LRRC17: variants seen among roughly 807,000 people sequenced by gnomAD.
LRRC17 encodes leucine-rich repeat-containing protein 17.
LRRC17 carries 33 observed loss-of-function variants against 41.5 expected under a neutral mutation model. The ratio of observed to expected loss-of-function variants is 0.80; its 90% CI spans 0.60 to 1.06. The LOEUF (loss-of-function observed/expected upper bound fraction) is 1.06. Ranked by LOEUF, LRRC17 falls within the 50% of genes least tolerant of loss-of-function variation. The probability of loss-of-function intolerance (pLI) is 0.00; values close to 1 mark genes in which losing one functional copy is unlikely to be tolerated. For missense variants in LRRC17, 491 were observed against 519.3 expected (o/e 0.95, Z 0.53); for synonymous variants, 192 against 197.0 (o/e 0.97, Z 0.21).
chr7:102,929,181 C>T (rs1338650745), intron 1 of LRRC17, among the ~76,000 whole-genome samples: 1 of 152,122 alleles, frequency 6.6e-6, no homozygotes, highest in East Asian at 1.9e-4. Context: ...TGTATAATGC[C>T]TTCCATGTTT....
intron 2 of LRRC17, among the ~76,000 whole-genome samples, chr7:102,935,896 G>A (rs1161375444): frequency 2.6e-5 from 4 of 152,202 alleles, no homozygotes; most frequent in Non-Finnish European, 5.9e-5. Context: ...GAAAGGGGAA[G>A]TTCAGAGAGG....
Position 102,944,633 on chromosome 7 carries a change from A to G in LRRC17, c.*26A>G. 1 of 1,553,104 alleles carries G rather than the reference A, an allele frequency of 6.4e-7. No individual in the cohort carries two copies. The highest frequency in any genetic ancestry group is 8.7e-7 in the Non-Finnish European group (1 of 1,154,854). On this transcript the variant is annotated 3_prime_UTR_variant, in exon 4 of 4. Coordinates refer to ENST00000339431, the MANE Select transcript of LRRC17 (RefSeq NM_001031692.3). ...GGTAGAAATTGTTCTGATTGTAATT[A>G]GTTTTGTATTTTCTATACTGGTGTT... is the stretch of plus-strand genomic sequence containing the variant.
At chr7:102,937,459 A>C (rs1303997080) in intron 2 of LRRC17, among the ~76,000 whole-genome samples, 1 of 146,654 alleles carries the variant, frequency 6.8e-6, no homozygotes, top group African/African-American at 2.5e-5. Flanking sequence ...GTGAGCTGAG[A>C]TCACGCCACT....
At chr7:102,926,262 C>A in intron 1 of LRRC17, 1 of 1,609,950 alleles carries the variant, frequency 6.2e-7, no homozygotes, top group Admixed American at 1.7e-5. Flanking sequence ...ATACAAATAA[C>A]ACAAACATTA....
intron 1 of LRRC17, among the ~76,000 whole-genome samples, chr7:102,920,361 C>A (rs939034265): frequency 2.0e-5 from 3 of 151,532 alleles, no homozygotes; most frequent in African/African-American, 7.3e-5. Context: ...AAAAATAAAA[C>A]CATACACTCA....
intron 1 of LRRC17, among the ~76,000 whole-genome samples, chr7:102,919,317 T>C (rs1816523867): frequency 6.6e-6 from 1 of 152,062 alleles, no homozygotes; most frequent in Non-Finnish European, 1.5e-5. Context: ...AAAAGGCATA[T>C]AGAAATAAAA....
At position 102,916,791 on chromosome 7, in the gene LRRC17, T is replaced by TGG. The variant is rs61021557; in HGVS notation, c.-141+3654_-141+3655dup. ...CTAATTATTTGATAACTGTTTCTTATGGGGGGGGGTGTGAGTCCTCTCTTT... is the reference window on the plus strand; with the variant it reads ...CTAATTATTTGATAACTGTTTCTTATGGGGGGGGGGGTGTGAGTCCTCTCTTT... On this transcript the variant is annotated intron_variant, in intron 1 of 3. Coordinates refer to ENST00000339431, the MANE Select transcript of LRRC17 (RefSeq NM_001031692.3). Among the ~76,000 whole-genome samples the TGG allele has an allele frequency of 9.0e-3, 1,330 of 147,834 alleles. 26 individuals are homozygous for TGG. Among genetic ancestry groups the TGG allele is most frequent in the East Asian group, 0.074 (357 of 4,800 alleles).
intron 1 of LRRC17, among the ~76,000 whole-genome samples, chr7:102,918,928 T>A (rs1816453110): frequency 6.6e-6 from 1 of 152,100 alleles, no homozygotes; most frequent in Non-Finnish European, 1.5e-5. Flanking sequence ...ACACACACAC[T>A]TATATATCAT....
chr7:102,926,068 G>GT (rs1381771317), intron 1 of LRRC17, among the ~76,000 whole-genome samples: 1 of 152,124 alleles, frequency 6.6e-6, no homozygotes, highest in African/African-American at 2.4e-5. Context: ...GCACATTGCT[G>GT]TAAGAGTCAC....
intron 3 of LRRC17, among the ~76,000 whole-genome samples, chr7:102,941,061 C>A (rs1035008345): frequency 1.3e-5 from 2 of 152,150 alleles, no homozygotes; most frequent in African/African-American, 4.8e-5. Flanking sequence ...TTAGAGTTAA[C>A]CTTTTTTTAA....
At chr7:102,926,967 G>A (rs184318365) in intron 1 of LRRC17, among the ~76,000 whole-genome samples, 1 of 152,268 alleles carries the variant, frequency 6.6e-6, no homozygotes, top group Admixed American at 6.5e-5. Context: ...CATACCAGTT[G>A]GGCAGGAGAT....
In LRRC17 at chr7:102,944,582, G is replaced by A; in HGVS notation, c.1301G>A (p.Ser434Asn). ...AGAGATCACACCGCAAAGAAGCAAAGCGTAATAATTACTATAGTAGGATAA... is the reference window on the plus strand; with the variant it reads ...AGAGATCACACCGCAAAGAAGCAAAACGTAATAATTACTATAGTAGGATAA... ...KHRDHTAKKQ[S>N]VIITIVG is the part of the protein sequence containing the mutation. Residue 434 changes from serine to asparagine, a missense_variant, in exon 4 of 4, where the codon AGC becomes AAC. Physicochemically the swap from Ser to Asn is conservative, Grantham distance 46. Coordinates refer to ENST00000339431, the MANE Select transcript of LRRC17 (RefSeq NM_001031692.3). The A allele has an allele frequency of 6.2e-7, 1 of 1,609,222 alleles. No homozygotes were observed. The highest frequency in any genetic ancestry group is 8.5e-7 in the Non-Finnish European group (1 of 1,178,746).
At chr7:102,938,926 A>C (rs1209074433) in intron 2 of LRRC17, among the ~76,000 whole-genome samples, 1 of 152,166 alleles carries the variant, frequency 6.6e-6, no homozygotes, top group Non-Finnish European at 1.5e-5. Flanking sequence ...TCTGCAGTTT[A>C]TATTCTTTTT....
At chr7:102,914,717 G>C (rs887054756) in intron 1 of LRRC17, among the ~76,000 whole-genome samples, 2 of 152,244 alleles carry the variant, frequency 1.3e-5, no homozygotes, top group African/African-American at 2.4e-5. Flanking sequence ...GACAGAGCGA[G>C]GGGGAAGGCT....
chr7:102,917,556 A>T (rs12113586), intron 1 of LRRC17, among the ~76,000 whole-genome samples: 1 of 152,182 alleles, frequency 6.6e-6, no homozygotes, highest in Non-Finnish European at 1.5e-5. Context: ...AGCCATGAGA[A>T]GGAGAAAGGC....
At chr7:102,935,242 C>CTTTTTTTTTTTT (rs71106700) in intron 2 of LRRC17, among the ~76,000 whole-genome samples, 1 of 76,402 alleles carries the variant, frequency 1.3e-5, no homozygotes, top group African/African-American at 5.8e-5. Context: ...TTTTTTCTTT[C>CTTTTTTTTTTTT]TTTTTTTTTT....
Position 102,939,557 on chromosome 7 carries a change from C to T in LRRC17, c.900C>T (p.Ser300=). ...DVHELKKLNL[S]SNGIEFIDPA... Reference sequence around the variant, plus strand: ...ATGAGCTGAAGAAATTAAACCTCAGCAGCAATGGCATTGAATTCATCGATC... The same window carrying T: ...ATGAGCTGAAGAAATTAAACCTCAGTAGCAATGGCATTGAATTCATCGATC... The change falls in exon 3 of 4, where the codon AGC becomes AGT. Residue 300 remains serine, a synonymous_variant. Transcript: ENST00000339431. 2 of 1,613,818 alleles carry T rather than the reference C, an allele frequency of 1.2e-6. No individual in the cohort carries two copies. The highest frequency in any genetic ancestry group is 1.3e-5 in the African/African-American group (1 of 75,032).
intron 1 of LRRC17, chr7:102,926,263 A>C: frequency 6.2e-7 from 1 of 1,610,752 alleles, no homozygotes; most frequent in Admixed American, 1.7e-5. Context: ...TACAAATAAC[A>C]CAAACATTAC....
At position 102,929,308 on chromosome 7, in the gene LRRC17, T is replaced by TAC. The variant is rs139502267; in HGVS notation, c.-140-4464_-140-4463dup. On this transcript the variant is annotated intron_variant, in intron 1 of 3. Transcript: ENST00000339431. ...GATACATATGTAAACATAAGTGTAA[T>TAC]ACAGTGTGAAGTATCTGTGTTGAAG... is the stretch of plus-strand genomic sequence containing the variant. 3.7e-3 allele frequency among the ~76,000 whole-genome samples: 568 copies of TAC among 152,290 alleles called. 5 individuals are homozygous for TAC. The highest frequency in any genetic ancestry group is 0.013 in the African/African-American group (561 of 41,562).
Sources: allele counts gnomAD v4.1 joint callset (sites outside exome capture counted in the v4.1 genomes callset), GRCh38; gene constraint gnomAD v4.1.1; transcripts MANE v1.5; gene names NCBI Gene and HGNC (gene_info 2026-07-23, HGNC 2026-07-21).